Variants in ERCC6L2 observed in about 807,000 individuals in gnomAD.
ERCC6L2 encodes the protein ERCC excision repair 6 like 2.
A neutral mutation model predicts 132.0 loss-of-function variants in ERCC6L2; 77 were observed. The ratio of observed to expected loss-of-function variants is 0.58; its 90% CI spans 0.49 to 0.71. The LOEUF (loss-of-function observed/expected upper bound fraction) is 0.71. Ranked by LOEUF, ERCC6L2 falls within the 30% of genes least tolerant of loss-of-function variation. The pLI, the probability that ERCC6L2 is intolerant of heterozygous loss-of-function variation, is 0.00. For missense variants in ERCC6L2, 1,542 were observed against 1,837.6 expected (o/e 0.84, Z 2.94); for synonymous variants, 583 against 632.4 (o/e 0.92, Z 1.17).
At chr9:96,004,850 GT>G in intron 18 of ERCC6L2, 149 bp downstream of exon 18, 1 of 441,944 alleles carries the variant, frequency 2.3e-6, no homozygotes, top group Non-Finnish European at 3.9e-6. Context: ...AACTGCAAAT[GT>G]TTTAGATGTT....
intron 12 of ERCC6L2, among the ~76,000 whole-genome samples, chr9:95,953,611 A>G (rs7049239): frequency 0.043 from 6,506 of 151,884 alleles, 487 homozygotes; most frequent in African/African-American, 0.15. Context: ...CTGTGGATCA[A>G]TATTTAAATT....
chr9:96,022,835 C>A (rs919112234), downstream of ERCC6L2, among the ~76,000 whole-genome samples: 1 of 152,198 alleles, frequency 6.6e-6, no homozygotes, highest in Admixed American at 6.5e-5. Context: ...CGGCGCCCCC[C>A]ACAGCCGCCT....
intron 19 of ERCC6L2, among the ~76,000 whole-genome samples, chr9:96,034,543 C>T (rs139735416): frequency 1.2e-4 from 18 of 152,276 alleles, no homozygotes; most frequent in East Asian, 1.9e-4. Context: ...CTGGGAGAGG[C>T]GGTCTTTGAC....
intron 2 of ERCC6L2, among the ~76,000 whole-genome samples, chr9:95,888,461 C>A (rs1469090713): frequency 6.6e-6 from 1 of 152,098 alleles, no homozygotes; most frequent in East Asian, 1.9e-4. Context: ...TGTTTTTGTT[C>A]TTTTCATCTA....
chr9:95,967,672 T>C (rs1832221395), intron 14 of ERCC6L2: 1 of 152,188 alleles, frequency 6.6e-6, no homozygotes, highest in Non-Finnish European at 1.5e-5. Context: ...TTATACAGTT[T>C]CTGATATATA....
Position 95,898,104 on chromosome 9 carries a change from A to G in ERCC6L2, c.594+133A>G, listed in dbSNP as rs527680808. 1.3e-5 allele frequency: 11 copies of G among 850,620 alleles called. No individual in the cohort carries two copies. In the South Asian group the frequency reaches 2.6e-4, roughly 20 times the overall value. The allele number at this position is 850,620 out of a possible 1,614,324, so 52.7% of individuals were successfully genotyped here. A position where few individuals can be genotyped will look rare whatever the true frequency, so the allele number is the denominator to read the frequency against. On this transcript the variant is annotated intron_variant, in intron 3 of 18. Transcript: ENST00000653738. ...CCTAAGAATTTAAAGATGTTATTAA[A>G]ATATTTGTTTTATAGGCCTAATTTT...
At chr9:96,029,317 A>AC (rs1554765198) in intron 19 of ERCC6L2, among the ~76,000 whole-genome samples, 46 of 148,392 alleles carry the variant, frequency 3.1e-4, no homozygotes, top group African/African-American at 9.0e-4. Flanking sequence ...AAAAAAAAAA[A>AC]AAAAAACAAA....
Position 95,897,831 on chromosome 9 carries a change from A to C in ERCC6L2, c.472-18A>C. 1 of 1,611,784 alleles carries C rather than the reference A, an allele frequency of 6.2e-7. No individual in the cohort carries two copies. Among genetic ancestry groups the C allele is most frequent in the East Asian group, 2.2e-5 (1 of 44,692 alleles). The stretch of plus-strand genomic sequence containing the variant: ...TGATACATTATACACAGTGATTGAA[A>C]AAGTCTTTTTTCCCCAGGTTATTTC... On this transcript the variant is annotated intron_variant, in intron 2 of 18. Transcript: ENST00000653738.
At position 95,945,014 on chromosome 9, in the gene ERCC6L2, T is replaced by C. The variant is rs974688618; in HGVS notation, c.1847+3465T>C. On this transcript the variant is annotated intron_variant, in intron 12 of 18. Transcript: ENST00000653738. ...ATGCATTGTCATTCATAACATCTTA[T>C]CAGGAGACAGGGTTTGAGAGCAGAC... Among the ~76,000 whole-genome samples the C allele has an allele frequency of 1.2e-4, 19 of 152,286 alleles. No homozygotes were observed. In the Middle Eastern group the frequency reaches 0.01, roughly 82 times the overall value.
At chr9:96,035,232 G>C (rs958272039) in intron 19 of ERCC6L2, among the ~76,000 whole-genome samples, 1 of 152,192 alleles carries the variant, frequency 6.6e-6, no homozygotes, top group Non-Finnish European at 1.5e-5. Flanking sequence ...AGCAGAAGGG[G>C]GCGGGTCCCA....
intron 7 of ERCC6L2, among the ~76,000 whole-genome samples, chr9:95,921,977 C>T (rs1329658295): frequency 6.6e-6 from 1 of 152,160 alleles, no homozygotes; most frequent in African/African-American, 2.4e-5. Flanking sequence ...AAGGGGTCTG[C>T]ATAGCACTGC....
At chr9:95,982,396 A>T (rs1588019456) in intron 17 of ERCC6L2, among the ~76,000 whole-genome samples, 1 of 152,136 alleles carries the variant, frequency 6.6e-6, no homozygotes, top group East Asian at 1.9e-4. Flanking sequence ...CAGTATGTTT[A>T]TACAGCTTTT....
At chr9:95,908,216 G>C (rs879656012) in intron 4 of ERCC6L2, among the ~76,000 whole-genome samples, 12 of 152,134 alleles carry the variant, frequency 7.9e-5, no homozygotes, top group Admixed American at 7.2e-4. Context: ...CAGCACCTCA[G>C]AATGTAACTG....
At chr9:95,992,296 CACAA>C (rs1833330357) in intron 17 of ERCC6L2, among the ~76,000 whole-genome samples, 1 of 152,100 alleles carries the variant, frequency 6.6e-6, no homozygotes, top group Non-Finnish European at 1.5e-5. Context: ...ATATAACCCA[CACAA>C]ACAAAAACTC....
chr9:95,901,156 C>G (rs1828755341), intron 3 of ERCC6L2, among the ~76,000 whole-genome samples: 1 of 151,928 alleles, frequency 6.6e-6, no homozygotes, highest in Non-Finnish European at 1.5e-5. Context: ...GCTTATCTGC[C>G]TATGGAATTT....
At chr9:96,020,849 A>G, downstream of ERCC6L2, 1 of 456,762 alleles carries the variant, frequency 2.2e-6, no homozygotes, top group Non-Finnish European at 4.4e-6. Flanking sequence ...CCAGAGCAGC[A>G]GCAACGTGGG....
intron 12 of ERCC6L2, among the ~76,000 whole-genome samples, chr9:95,943,612 A>G (rs1830909982): frequency 6.6e-6 from 1 of 152,176 alleles, no homozygotes; most frequent in Non-Finnish European, 1.5e-5. Context: ...CATATCTGAT[A>G]AAGTATTAAT....
chr9:95,997,318 C>T (rs1833505214), intron 17 of ERCC6L2, among the ~76,000 whole-genome samples: 1 of 152,178 alleles, frequency 6.6e-6, no homozygotes, highest in Non-Finnish European at 1.5e-5. Flanking sequence ...GGGGAACTAA[C>T]TGTAGATGTG....
intron 3 of ERCC6L2, among the ~76,000 whole-genome samples, chr9:95,904,819 A>C (rs1411492977): frequency 6.6e-6 from 1 of 152,158 alleles, no homozygotes; most frequent in Non-Finnish European, 1.5e-5. Flanking sequence ...CTCCTTAATA[A>C]TTGAGCAAGA....
Sources: gnomAD v4.1 joint callset for allele counts (sites outside exome capture counted in the v4.1 genomes callset) on GRCh38, gnomAD v4.1.1 for gene constraint, MANE v1.5 for transcripts, NCBI Gene and HGNC (gene_info 2026-07-23, HGNC 2026-07-21) for gene names.